The following TNIP2 variants were observed in gnomAD, a reference collection of about 807,000 sequenced individuals.
TNIP2 encodes the protein TNFAIP3-interacting protein 2.
A neutral mutation model predicts 43.7 loss-of-function variants in TNIP2; 30 were observed. The observed-to-expected ratio is 0.69, with a 90% confidence interval of 0.51 to 0.93. TNIP2 has a LOEUF of 0.93. Among genes scored for constraint, TNIP2 ranks in the 40% least tolerant of loss-of-function variants. TNIP2 has a pLI of 0.00. For synonymous variants in TNIP2, 260 were observed against 254.6 expected (o/e 1.02, Z -0.20); for missense variants, 599 against 591.0 (o/e 1.01, Z -0.14).
chr4:2,749,195 T>A (rs1276852171), intron 1 of TNIP2, among the ~76,000 whole-genome samples: 1 of 151,932 alleles, frequency 6.6e-6, no homozygotes, highest in East Asian at 1.9e-4. Context: ...GGTCTTAAAC[T>A]CCTAGGCTCA....
chr4:2,745,518 C>T lies in TNIP2; in HGVS notation c.585G>A (p.Gly195=), dbSNP rs563766324. 5.0e-6 allele frequency: 8 copies of T among 1,613,768 alleles called. No homozygotes were observed. Among genetic ancestry groups the T allele is most frequent in the South Asian group, 1.1e-5 (1 of 90,990 alleles). ...RSPDQSEHTD[G]HTSVQSVIEK... ...CAATAACACTCTGGACAGAGGTGTG[C>T]CCATCTGTGTGTTCCGACTGCATGA... Residue 195 remains glycine, a synonymous_variant, in exon 3 of 6, where the codon GGG becomes GGA. Coordinates refer to ENST00000315423, the MANE Select transcript of TNIP2 (RefSeq NM_024309.4).
chr4:2,752,103 A>T (rs1016086713), intron 1 of TNIP2, among the ~76,000 whole-genome samples: 17 of 140,742 alleles, frequency 1.2e-4, no homozygotes, highest in African/African-American at 4.1e-4. Context: ...GACTCAGTTT[A>T]AAAAAAAAAA....
intron 2 of TNIP2, among the ~76,000 whole-genome samples, chr4:2,745,751 G>A (rs1721932636): frequency 6.6e-6 from 1 of 150,752 alleles, no homozygotes; most frequent in South Asian, 2.1e-4. Context: ...CGGATGGGAG[G>A]TCTTCAGGCC....
At chr4:2,752,279 G>C (rs1034201869) in intron 1 of TNIP2, among the ~76,000 whole-genome samples, 1 of 152,184 alleles carries the variant, frequency 6.6e-6, no homozygotes, top group Admixed American at 6.5e-5. Flanking sequence ...TGACAGGATG[G>C]GGTTGGGCAG....
Position 2,745,488 on chromosome 4 carries a change from C to T in TNIP2, c.615G>A (p.Lys205=). The change falls in exon 3 of 6, where the codon AAG becomes AAA. Residue 205 remains lysine (K), a synonymous_variant. Transcript: ENST00000315423. ...TTAACAGTCGATTTTCTTCCTGCAACTTCTCAATAACACTCTGGACAGAGG... is the reference window on the plus strand; with the variant it reads ...TTAACAGTCGATTTTCTTCCTGCAATTTCTCAATAACACTCTGGACAGAGG... ...GHTSVQSVIE[K]LQEENRLLKQ... is the part of the protein sequence containing the mutation. 6.2e-7 allele frequency: 1 copy of T among 1,614,112 alleles called. No homozygotes were observed. Among genetic ancestry groups the T allele is most frequent in the South Asian group, 1.1e-5 (1 of 91,040 alleles).
At position 2,745,522 on chromosome 4, in the gene TNIP2, T is replaced by A. The variant is rs1180769568; in HGVS notation, c.581A>T (p.Asp194Val). The part of the protein sequence containing the change: ...ERSPDQSEHT[D>V]GHTSVQSVIE... ...AACACTCTGGACAGAGGTGTGCCCA[T>A]CTGTGTGTTCCGACTGCATGAGGAA... Residue 194 changes from aspartate (D) to valine (V), a missense_variant, in exon 3 of 6, where the codon GAT becomes GTT. Transcript: ENST00000315423. The A allele has an allele frequency of 1.1e-5, 18 of 1,613,598 alleles. No homozygotes were observed. Among genetic ancestry groups the A allele is most frequent in the Non-Finnish European group, 1.4e-5 (17 of 1,179,634 alleles).
chr4:2,747,049 C>T (rs544369057), intron 2 of TNIP2, among the ~76,000 whole-genome samples: 9 of 152,226 alleles, frequency 5.9e-5, no homozygotes, highest in Admixed American at 2.0e-4. Flanking sequence ...CCGCTGCCCC[C>T]GGCCCTTGCT....
chr4:2,742,189 G>A lies in TNIP2; in HGVS notation c.*68C>T. 7.3e-7 allele frequency: 1 copy of A among 1,367,314 alleles called. No homozygotes were observed. Among genetic ancestry groups the A allele is most frequent in the South Asian group, 1.8e-5 (1 of 55,498 alleles). The allele number at this position is 1,367,314 out of a possible 1,614,324, so 84.7% of individuals were successfully genotyped here. A position where few individuals can be genotyped will look rare whatever the true frequency, so the allele number is the denominator to read the frequency against. ...AGAGCTCAACCCATGGCATCTGAGA[G>A]CACCCACCCTGTCCCTGAGGGCAGC... On this transcript the variant is annotated 3_prime_UTR_variant, in exon 6 of 6. Transcript: ENST00000315423.
At chr4:2,750,539 GTCTCA>G (rs1722075387) in intron 1 of TNIP2, among the ~76,000 whole-genome samples, 1 of 151,810 alleles carries the variant, frequency 6.6e-6, no homozygotes, top group African/African-American at 2.4e-5. Context: ...TGTTCCTCCC[GTCTCA>G]ACCTCCCAAA....
chr4:2,745,558 GAAGA>G, intron 2 of TNIP2, 23 bp from the exon 3 acceptor site: 1 of 1,567,920 alleles, frequency 6.4e-7, no homozygotes, highest in South Asian at 1.1e-5. Flanking sequence ...GGGACAGAGA[GAAGA>G]CACTCTGTCA....
At chr4:2,752,305 T>C (rs1299659047) in intron 1 of TNIP2, among the ~76,000 whole-genome samples, 1 of 152,098 alleles carries the variant, frequency 6.6e-6, no homozygotes, top group Admixed American at 6.5e-5. Context: ...GGTTGCACAA[T>C]GAATTGGTGC....
rs1414699760 is a variant in TNIP2 at position 2,744,275 on chromosome 4, C to A, written c.1026+112G>T. 2 of 1,429,546 alleles carry A rather than the reference C, an allele frequency of 1.4e-6. No individual in the cohort carries two copies. The highest frequency in any genetic ancestry group is 1.9e-6 in the Non-Finnish European group (2 of 1,044,276). 88.6% of individuals were successfully genotyped at this position (1,429,546 alleles called of 1,614,324 possible). A position where few individuals can be genotyped will look rare whatever the true frequency, so the allele number is the denominator to read the frequency against. ...ACAGCAGGGAGGGGCTCGCCACAAC[C>A]CTCATCACCAGCAAATCAGGGCCTT... On this transcript the variant is annotated intron_variant, in intron 5 of 5. Transcript: ENST00000315423. This position sits in a 1 kb window ranked among gnomAD's most constrained non-coding sequence, Gnocchi z 5.1.
chr4:2,744,483 G>T lies in TNIP2; in HGVS notation c.930C>A (p.Phe310Leu). Residue 310 changes from phenylalanine (F) to leucine (L), a missense_variant, in exon 5 of 6, where the codon TTC becomes TTA. Physicochemically the swap from Phe to Leu is conservative, Grantham distance 22 (BLOSUM62 0). Coordinates refer to ENST00000315423, the MANE Select transcript of TNIP2 (RefSeq NM_024309.4). This position sits in a 1 kb window ranked among gnomAD's most constrained non-coding sequence, Gnocchi z 5.1. ...EQQILAYKDD[F>L]MSERADRERA... Reference sequence around the variant, plus strand: ...GTTCCCGATCGGCCCTTTCTGACATGAAGTCATCCTTGTAAGCGAGAATCT... The same window carrying T: ...GTTCCCGATCGGCCCTTTCTGACATTAAGTCATCCTTGTAAGCGAGAATCT... 1 of 1,614,170 alleles carries T rather than the reference G, an allele frequency of 6.2e-7. No homozygotes were observed. The highest frequency in any genetic ancestry group is 8.5e-7 in the Non-Finnish European group (1 of 1,180,016).
chr4:2,744,495 G>T lies in TNIP2; in HGVS notation c.918C>A (p.Tyr306Ter). The change falls in exon 5 of 6, where the codon TAC (tyrosine) becomes TAA (stop). Residue 306 changes from tyrosine to a stop codon, truncating the protein, a stop_gained. Transcript: ENST00000315423. LOFTEE classifies it high-confidence loss of function. The surrounding 1 kb of genome is among the most constrained non-coding windows in gnomAD (Gnocchi z 5.1). The stretch of plus-strand genomic sequence containing the variant: ...CCCTTTCTGACATGAAGTCATCCTT[G>T]TAAGCGAGAATCTGAAGAGAGGCGA... ...VQMLEQQILA[Y>*]KDDFMSERAD... 6.2e-7 allele frequency: 1 copy of T among 1,614,170 alleles called. No homozygotes were observed. The highest frequency in any genetic ancestry group is 8.5e-7 in the Non-Finnish European group (1 of 1,180,028).
chr4:2,745,014 G>A, intron 3 of TNIP2, 69 bp from the exon 4 acceptor site: 3 of 1,533,568 alleles, frequency 2.0e-6, no homozygotes, highest in Non-Finnish European at 1.8e-6. Context: ...AGCACCCAGT[G>A]TGAATTATGT....
At chr4:2,743,506 C>CGACTA (rs1425018114) in intron 5 of TNIP2, among the ~76,000 whole-genome samples, 1 of 152,206 alleles carries the variant, frequency 6.6e-6, no homozygotes, top group Non-Finnish European at 1.5e-5. Context: ...GTCCCATAGT[C>CGACTA]CACCATGACT....
In TNIP2 at chr4:2,747,949, A is replaced by G. The variant is rs1721997866; in HGVS notation, c.277-4T>C. The stretch of plus-strand genomic sequence containing the variant: ...GCTCAGTCAGCCTCTCAATTTCCTA[A>G]GTGGAAGATTTAAAAGCACAGTTTA... On this transcript the variant is annotated splice_polypyrimidine_tract_variant and splice_region_variant and intron_variant, in intron 1 of 5. Coordinates refer to ENST00000315423, the MANE Select transcript of TNIP2 (RefSeq NM_024309.4). 1.9e-6 allele frequency: 3 copies of G among 1,608,980 alleles called. No individual in the cohort carries two copies. The East Asian group carries it at 6.7e-5, about 36-fold the overall frequency.
chr4:2,748,391 C>T (rs57796386), intron 1 of TNIP2, among the ~76,000 whole-genome samples: 52,427 of 151,808 alleles, frequency 0.35, 10,641 homozygotes, highest in Admixed American at 0.54. Flanking sequence ...CGCTCAGGCT[C>T]GAGTGCAGTG....
In TNIP2 at chr4:2,745,537, T is replaced by A. The variant is rs199747173; in HGVS notation, c.568-2A>T. ...GGTGTGCCCATCTGTGTGTTCCGAC[T>A]GCATGAGGAAGGGACAGAGAGAAGA... On this transcript the variant is annotated splice_acceptor_variant, in intron 2 of 5. Transcript: ENST00000315423. LOFTEE classifies it high-confidence loss of function. The A allele has an allele frequency of 1.2e-6, 2 of 1,611,476 alleles. No individual in the cohort carries two copies. The highest frequency in any genetic ancestry group is 2.7e-5 in the African/African-American group (2 of 74,888).
Sources: allele counts gnomAD v4.1 joint callset (sites outside exome capture counted in the v4.1 genomes callset), GRCh38; gene constraint gnomAD v4.1.1; non-coding constraint Gnocchi (gnomAD v3.1); transcripts MANE v1.5; gene names NCBI Gene and HGNC (gene_info 2026-07-23, HGNC 2026-07-21).